Variants in COMMD10 observed in about 807,000 individuals in gnomAD.
COMMD10 encodes COMM domain containing 10, also known as COMM domain-containing protein 10.
In COMMD10, 33 loss-of-function variants were observed where a neutral mutation model predicts 28.9. The observed-to-expected ratio is 1.14, with a 90% CI of 0.87 to 1.53. The LOEUF is 1.53. COMMD10 is among the 40% of genes most tolerant of loss of function. The pLI is 0.00. For missense variants in COMMD10, 310 were observed against 233.4 expected (o/e 1.33, Z -2.14); for synonymous variants, 110 against 81.7 (o/e 1.35, Z -1.87).
In COMMD10 at chr5:116,232,629, G is replaced by T. The variant is rs184512312; in HGVS notation, c.511-58888G>T. Among the ~76,000 whole-genome samples, 8 of 152,138 alleles carry T rather than the reference G, an allele frequency of 5.3e-5. No individual in the cohort carries two copies. In the South Asian group the frequency reaches 6.2e-4, roughly 12 times the overall value. ...GACAAGAGAATTGCTTAAACCCCAGGGGGGCAGAGGTTGCAGTGAGCCAGG... is the reference window on the plus strand; with the variant it reads ...GACAAGAGAATTGCTTAAACCCCAGTGGGGCAGAGGTTGCAGTGAGCCAGG... On this transcript the variant is annotated intron_variant, in intron 5 of 6. Coordinates refer to ENST00000274458, the MANE Select transcript of COMMD10 (RefSeq NM_016144.4).
At chr5:116,101,417 T>A (rs146566565) in intron 4 of COMMD10, among the ~76,000 whole-genome samples, 3,171 of 151,936 alleles carry the variant, frequency 0.021, 109 homozygotes, top group African/African-American at 0.073. Flanking sequence ...CTTTTTTATT[T>A]TTTATTTATT....
intron 4 of COMMD10, among the ~76,000 whole-genome samples, chr5:116,119,251 A>C (rs1751342657): frequency 6.6e-6 from 1 of 152,210 alleles, no homozygotes; most frequent in Non-Finnish European, 1.5e-5. Context: ...CCTAACAGTG[A>C]GACTAGGCCG....
chr5:116,150,400 A>G (rs62385212), intron 5 of COMMD10, among the ~76,000 whole-genome samples: 7,249 of 152,254 alleles, frequency 0.048, 247 homozygotes, highest in Admixed American at 0.093. Context: ...GAAGAAAGTC[A>G]CTGGTAGCTT....
chr5:116,266,150 C>T (rs1440156994), intron 5 of COMMD10, among the ~76,000 whole-genome samples: 1 of 151,452 alleles, frequency 6.6e-6, no homozygotes, highest in African/African-American at 2.4e-5. Context: ...CTTAAGGGGG[C>T]AATGAGAACA....
In COMMD10 at chr5:116,165,644, G is replaced by A. The variant is rs533871660; in HGVS notation, c.510+31466G>A. On this transcript the variant is annotated intron_variant, in intron 5 of 6. Transcript: ENST00000274458. ...TGTGTGTTTGTGCGCACACACACGC[G>A]TGTGCACAGGGCTGGTAGAGAGTGA... 7.2e-5 allele frequency among the ~76,000 whole-genome samples: 11 copies of A among 152,150 alleles called. No individual in the cohort carries two copies. The South Asian group carries it at 1.5e-3, about 20-fold the overall frequency.
At chr5:116,190,703 T>G (rs897969193) in intron 5 of COMMD10, among the ~76,000 whole-genome samples, 1 of 152,214 alleles carries the variant, frequency 6.6e-6, no homozygotes, top group Non-Finnish European at 1.5e-5. Flanking sequence ...TACATATAAC[T>G]TTTGTACCTA....
intron 5 of COMMD10, among the ~76,000 whole-genome samples, chr5:116,261,224 A>G (rs1750435340): frequency 6.6e-6 from 1 of 151,788 alleles, no homozygotes; most frequent in South Asian, 2.1e-4. Context: ...AAAGAAGTTG[A>G]TTATAATGTT....
chr5:116,105,347 G>C (rs1750803301), intron 4 of COMMD10, among the ~76,000 whole-genome samples: 1 of 152,156 alleles, frequency 6.6e-6, no homozygotes, highest in African/African-American at 2.4e-5. Context: ...ATGTGCTGCT[G>C]GATTTGGTTT....
chr5:116,222,145 T>C (rs4398671), intron 5 of COMMD10, among the ~76,000 whole-genome samples: 16,149 of 152,180 alleles, frequency 0.11, 965 homozygotes, highest in African/African-American at 0.15. Flanking sequence ...CAGAGCATAA[T>C]TGAGATGAAA....
At chr5:116,201,400 G>A (rs564663966) in intron 5 of COMMD10, among the ~76,000 whole-genome samples, 1 of 152,204 alleles carries the variant, frequency 6.6e-6, no homozygotes, top group East Asian at 1.9e-4. Flanking sequence ...GCATTTTTCA[G>A]TTTTTACAGT....
chr5:116,272,547 T>C (rs1163038805), intron 5 of COMMD10, among the ~76,000 whole-genome samples: 1 of 151,824 alleles, frequency 6.6e-6, no homozygotes, highest in African/African-American at 2.4e-5. Flanking sequence ...ACTGTTGCCA[T>C]AGCCTTTGCT....
At chr5:116,211,677 C>T (rs530054051) in intron 5 of COMMD10, among the ~76,000 whole-genome samples, 5 of 152,144 alleles carry the variant, frequency 3.3e-5, no homozygotes, top group African/African-American at 1.2e-4. Flanking sequence ...TTTTCAATTG[C>T]TTCTCAAATA....
At chr5:116,139,975 C>T (rs909139657) in intron 5 of COMMD10, among the ~76,000 whole-genome samples, 5 of 151,690 alleles carry the variant, frequency 3.3e-5, no homozygotes, top group Non-Finnish European at 5.9e-5. Context: ...TGCTGTACAT[C>T]AGATCTCCAG....
chr5:116,104,709 T>C (rs1296460496), intron 4 of COMMD10, among the ~76,000 whole-genome samples: 1 of 152,064 alleles, frequency 6.6e-6, no homozygotes, highest in Non-Finnish European at 1.5e-5. Context: ...AAGCTCCTCC[T>C]CCCGAGTTCA....
intron 5 of COMMD10, among the ~76,000 whole-genome samples, chr5:116,226,846 G>C (rs1444905656): frequency 6.6e-6 from 1 of 152,066 alleles, no homozygotes; most frequent in African/African-American, 2.4e-5. Flanking sequence ...TTCTGTTAAA[G>C]TTGCAGGAAG....
chr5:116,230,920 C>T (rs1055035513), intron 5 of COMMD10, among the ~76,000 whole-genome samples: 9 of 152,080 alleles, frequency 5.9e-5, no homozygotes, highest in African/African-American at 2.2e-4. Flanking sequence ...TGTCTTCCTC[C>T]TGGCTTTCCA....
intron 5 of COMMD10, among the ~76,000 whole-genome samples, chr5:116,188,847 C>T (rs1051806157): frequency 6.6e-6 from 1 of 152,106 alleles, no homozygotes; most frequent in African/African-American, 2.4e-5. Context: ...CCAGGCTAGT[C>T]GTGAACTTGT....
Position 116,174,692 on chromosome 5 carries a change from A to G in COMMD10, c.510+40514A>G, listed in dbSNP as rs531416990. 7.9e-5 allele frequency among the ~76,000 whole-genome samples: 12 copies of G among 152,240 alleles called. No individual in the cohort carries two copies. The East Asian group carries it at 9.7e-4, about 12-fold the overall frequency. On this transcript the variant is annotated intron_variant, in intron 5 of 6. Transcript: ENST00000274458. ...AAAGTGAGTCATTAAAGATAACCCC[A>G]AAATTTACCTGGATAACTTGTGTCT...
At chr5:116,204,354 T>C (rs937101690) in intron 5 of COMMD10, among the ~76,000 whole-genome samples, 3 of 152,182 alleles carry the variant, frequency 2.0e-5, no homozygotes, top group African/African-American at 7.2e-5. Flanking sequence ...ATATGAATGG[T>C]TCATATAGGG....
Sources: allele counts gnomAD v4.1 joint callset (sites outside exome capture counted in the v4.1 genomes callset), GRCh38; gene constraint gnomAD v4.1.1; transcripts MANE v1.5; gene names NCBI Gene and HGNC (gene_info 2026-07-23, HGNC 2026-07-21).